The following TP53I13 variants were observed in gnomAD, a reference collection of about 807,000 sequenced individuals.
TP53I13 encodes tumor protein p53 inducible protein 13.
Under a neutral mutation model 39.1 loss-of-function variants are expected in TP53I13, and 27 were observed. That is an observed-to-expected ratio of 0.69 (90% CI 0.51 to 0.95). TP53I13 has a LOEUF of 0.95. Ranked by LOEUF, TP53I13 falls within the 40% of genes least tolerant of loss-of-function variation. The probability of loss-of-function intolerance (pLI) is 0.00; values close to 1 mark genes in which losing one functional copy is unlikely to be tolerated. For synonymous variants in TP53I13, 230 were observed against 224.6 expected, an observed-to-expected ratio of 1.02 and a Z score of -0.22; for missense variants, 544 against 520.4, an observed-to-expected ratio of 1.05 and a Z score of -0.44.
At position 29,572,391 on chromosome 17, in the gene TP53I13, C is replaced by T; in HGVS notation, c.763C>T (p.Leu255=). ...NAPSVPTVSL[L]PGAPGGNASS... ...CCCATCTGTGCCCACTGTCTCCCTGCTGCCGGGGGCGCCTGGAGGCAATGC... is the reference window on the plus strand; with the variant it reads ...CCCATCTGTGCCCACTGTCTCCCTGTTGCCGGGGGCGCCTGGAGGCAATGC... The change falls in exon 6 of 7, where the codon CTG becomes TTG. Residue 255 remains leucine, a synonymous_variant. Transcript: ENST00000301057. 1 of 1,596,480 alleles carries T rather than the reference C, an allele frequency of 6.3e-7. No individual in the cohort carries two copies. Among genetic ancestry groups the T allele is most frequent in the Non-Finnish European group, 8.6e-7 (1 of 1,167,710 alleles).
chr17:29,574,759 G>A (rs529339978), downstream of TP53I13: 4 of 1,613,608 alleles, frequency 2.5e-6, no homozygotes, highest in African/African-American at 5.3e-5. Context: ...CCTTGGCGAT[G>A]TCATAGGCGC....
At chr17:29,566,989 G>C, upstream of TP53I13, 1 of 1,292,298 alleles carries the variant, frequency 7.7e-7, no homozygotes, top group Non-Finnish European at 9.8e-7. Flanking sequence ...GAGCCCCGGC[G>C]GGCAGCGGGC....
Position 29,572,756 on chromosome 17 carries a change from G to GC in TP53I13, c.1070-50dup, listed in dbSNP as rs1041908424. 138 of 941,540 alleles carry GC rather than the reference G, an allele frequency of 1.5e-4. 1 individual carries two copies. Among genetic ancestry groups the GC allele is most frequent in the Middle Eastern group, 1.2e-3 (3 of 2,604 alleles). The allele number at this position is 941,540 out of a possible 1,614,324, so 58.3% of individuals were successfully genotyped here. On this transcript the variant is annotated intron_variant, in intron 6 of 6. Transcript: ENST00000301057. ...CCCGCCCCACCTCGCGTCGCCCGCC[G>GC]CCCCCCGTAGCTTCCCTGCCCTCCC...
chr17:29,566,407 T>C (rs758180259), upstream of TP53I13: 4 of 1,611,640 alleles, frequency 2.5e-6, no homozygotes, highest in African/African-American at 4.0e-5. Context: ...GATGACCGGG[T>C]AGTAGCCGCG....
downstream of TP53I13, chr17:29,576,709 G>A (rs2033217158): frequency 3.1e-6 from 5 of 1,611,776 alleles, no homozygotes; most frequent in Admixed American, 1.7e-5. Flanking sequence ...CAGCACCTGG[G>A]GGCAGGGAGG....
chr17:29,580,873 T>C, the TP53I13 span, among the ~76,000 whole-genome samples: 1 of 151,846 alleles, frequency 6.6e-6, no homozygotes, highest in Non-Finnish European at 1.5e-5. Flanking sequence ...CTCTACCTCC[T>C]GTGTTCAAGC....
At chr17:29,574,942 C>A, downstream of TP53I13, 1 of 1,534,048 alleles carries the variant, frequency 6.5e-7, no homozygotes, top group Non-Finnish European at 8.8e-7. Flanking sequence ...GAGGCTGGAC[C>A]TTGGACTTTA....
Position 29,572,187 on chromosome 17 carries a change from A to T in TP53I13, c.559A>T (p.Thr187Ser), listed in dbSNP as rs966837782. The part of the protein sequence containing the change: ...FALRSWRPPG[T>S]EVTSQGPRQP... ...TCTGCGGAGCTGGCGGCCCCCTGGCACAGAGGTGACATCTCAAGGGCCCAG... is the reference window on the plus strand; with the variant it reads ...TCTGCGGAGCTGGCGGCCCCCTGGCTCAGAGGTGACATCTCAAGGGCCCAG... Residue 187 changes from threonine (T) to serine (S), a missense_variant, in exon 6 of 7, where the codon ACA becomes TCA. Thr to Ser is a moderately conservative substitution (Grantham distance 58). Transcript: ENST00000301057. 57 of 1,609,876 alleles carry T rather than the reference A, an allele frequency of 3.5e-5. No homozygotes were observed. The East Asian group carries it at 1.3e-3, about 36-fold the overall frequency.
intron 2 of TP53I13, 60 bp from the exon 3 acceptor site, chr17:29,569,258 C>G: frequency 6.3e-7 from 1 of 1,581,848 alleles, no homozygotes; most frequent in Non-Finnish European, 8.6e-7. Context: ...CGTCCCCTCC[C>G]CACCACACAC....
rs372123396 is a variant in TP53I13 at position 29,571,965 on chromosome 17, A to G, written c.421A>G (p.Lys141Glu). The stretch of plus-strand genomic sequence containing the variant: ...GCGGAGGAGGAAGCAGAGGAAGAAG[A>G]AGGCATGGATCTACTGTGAAAGCCT... ...RRRRRKQRKK[K>E]AWIYCESLSG... The change falls in exon 5 of 7, where the codon AAG becomes GAG. Residue 141 changes from lysine (K) to glutamate (E), a missense_variant. Coordinates refer to ENST00000301057, the MANE Select transcript of TP53I13 (RefSeq NM_138349.4). 234 of 1,613,064 alleles carry G rather than the reference A, an allele frequency of 1.5e-4. No homozygotes were observed. The highest frequency in any genetic ancestry group is 1.2e-3 in the African/African-American group (93 of 75,000).
downstream of TP53I13, chr17:29,575,110 G>A: frequency 6.2e-7 from 1 of 1,601,204 alleles, no homozygotes; most frequent in Non-Finnish European, 8.5e-7. This position sits in a 1 kb window ranked among gnomAD's most constrained non-coding sequence, Gnocchi z 5.5. Context: ...CTCGGTCACA[G>A]CCAAATGGAT....
At chr17:29,568,016 A>G (rs1598547603), upstream of TP53I13, 1 of 151,778 alleles carries the variant, frequency 6.6e-6, no homozygotes, top group African/African-American at 2.4e-5. This position sits in a 1 kb window ranked among gnomAD's most constrained non-coding sequence, Gnocchi z 4.5. Flanking sequence ...GCGGCGACCA[A>G]TCTCTTTCTA....
At chr17:29,580,850 G>A in the TP53I13 span, among the ~76,000 whole-genome samples, 153 of 151,146 alleles carry the variant, frequency 1.0e-3, no homozygotes, top group Middle Eastern at 3.4e-3. Flanking sequence ...GCGTGCTCTC[G>A]GCTCACCGCA....
At chr17:29,566,941 G>A (rs773047266), upstream of TP53I13, 3 of 1,423,114 alleles carry the variant, frequency 2.1e-6, no homozygotes, top group Non-Finnish European at 2.7e-6. Flanking sequence ...CAAGATGAGC[G>A]CGAGGGCGGC....
chr17:29,569,022 T>C lies in TP53I13; in HGVS notation c.77T>C (p.Met26Thr). Reference protein sequence around the residue: ...LARLLGPSEVMAGPAEEAGAH... With the variant: ...LARLLGPSEVTAGPAEEAGAH... ...CTCTTCGCTTTGGACCCACAGGTGATGGCTGGACCGGCGGAGGAGGCGGGA... is the reference window on the plus strand; with the variant it reads ...CTCTTCGCTTTGGACCCACAGGTGACGGCTGGACCGGCGGAGGAGGCGGGA... Residue 26 changes from methionine (M) to threonine (T), a missense_variant, in exon 2 of 7, where the codon ATG becomes ACG. Coordinates refer to ENST00000301057, the MANE Select transcript of TP53I13 (RefSeq NM_138349.4). The C allele has an allele frequency of 6.2e-7, 1 of 1,609,852 alleles. No individual in the cohort carries two copies. Among genetic ancestry groups the C allele is most frequent in the South Asian group, 1.1e-5 (1 of 90,354 alleles).
chr17:29,571,478 G>T (rs1423032493), intron 3 of TP53I13, 113 bp from the exon 4 acceptor site: 1 of 1,455,276 alleles, frequency 6.9e-7, no homozygotes, highest in African/African-American at 1.4e-5. Context: ...GAAGGTAGAA[G>T]AGCCATCCAG....
At chr17:29,581,469 G>A in the TP53I13 span, 2 of 1,042,648 alleles carry the variant, frequency 1.9e-6, no homozygotes, top group Non-Finnish European at 3.0e-6. This position sits in a 1 kb window ranked among gnomAD's most constrained non-coding sequence, Gnocchi z 4.8. Context: ...AGCAGGGCTG[G>A]CACCCAGAAG....
At chr17:29,578,448 G>C in the TP53I13 span, 1 of 1,345,390 alleles carries the variant, frequency 7.4e-7, no homozygotes, top group African/African-American at 1.4e-5. Context: ...AGCATGTTGT[G>C]AGCCTTGGGG....
chr17:29,575,062 C>T (rs1002446977), downstream of TP53I13: 2 of 1,573,520 alleles, frequency 1.3e-6, no homozygotes, highest in Admixed American at 1.8e-5. The surrounding 1 kb of genome is among the most constrained non-coding windows in gnomAD (Gnocchi z 5.5). Flanking sequence ...TCCTGGTCCT[C>T]TCTTTGGCCC....
Sources: allele counts gnomAD v4.1 joint callset (sites outside exome capture counted in the v4.1 genomes callset), GRCh38; gene constraint gnomAD v4.1.1; non-coding constraint Gnocchi (gnomAD v3.1); transcripts MANE v1.5; gene names NCBI Gene and HGNC (gene_info 2026-07-23, HGNC 2026-07-21).